Variants in IPPK observed in about 807,000 individuals in gnomAD.
IPPK encodes IPK1 homolog.
IPPK carries 22 observed loss-of-function variants against 64.6 expected under a neutral mutation model. The observed-to-expected ratio is 0.34, with a 90% CI of 0.24 to 0.49. The LOEUF (loss-of-function observed/expected upper bound fraction) is 0.49. Among genes scored for constraint, IPPK ranks in the 20% least tolerant of loss-of-function variants. The pLI is 0.99. For missense variants in IPPK, 532 were observed against 630.7 expected (o/e 0.84, Z 1.68); for synonymous variants, 262 against 247.2 (o/e 1.06, Z -0.56).
intron 11 of IPPK, among the ~76,000 whole-genome samples, chr9:92,626,719 C>T (rs1851740171): frequency 1.3e-5 from 2 of 152,166 alleles, no homozygotes; most frequent in South Asian, 4.1e-4. Context: ...GCATAACATA[C>T]ACCAAACAGG....
intron 1 of IPPK, among the ~76,000 whole-genome samples, chr9:92,667,826 C>T (rs1394810022): frequency 6.6e-6 from 1 of 151,812 alleles, no homozygotes; most frequent in African/African-American, 2.4e-5. Flanking sequence ...TTGCTTGAAC[C>T]CAGGAGGCAG....
intron 1 of IPPK, among the ~76,000 whole-genome samples, chr9:92,661,036 T>G (rs894550184): frequency 6.6e-6 from 1 of 152,228 alleles, no homozygotes; most frequent in African/African-American, 2.4e-5. Flanking sequence ...TTCTTCCTGC[T>G]AGCACTTATT....
At chr9:92,650,279 T>C (rs961503049) in intron 4 of IPPK, among the ~76,000 whole-genome samples, 2 of 152,056 alleles carry the variant, frequency 1.3e-5, no homozygotes, top group African/African-American at 2.4e-5. Context: ...TGAGCCCAGA[T>C]TGTGCGCCAC....
At chr9:92,662,316 G>A (rs1256095536) in intron 1 of IPPK, among the ~76,000 whole-genome samples, 2 of 152,080 alleles carry the variant, frequency 1.3e-5, no homozygotes, top group East Asian at 1.9e-4. Context: ...AGCTGAGGTC[G>A]GGAGTTCGAG....
intron 3 of IPPK, 58 bp from the exon 4 acceptor site, chr9:92,652,697 C>T: frequency 2.3e-6 from 2 of 864,856 alleles, no homozygotes; most frequent in Admixed American, 2.1e-5. Context: ...GAACACAATG[C>T]CACAGAACTG....
chr9:92,626,583 T>C (rs906014338), intron 11 of IPPK, among the ~76,000 whole-genome samples: 7 of 152,076 alleles, frequency 4.6e-5, no homozygotes, highest in Middle Eastern at 3.2e-3. Context: ...GGAGATAAAA[T>C]AAGGTTTGAC....
At chr9:92,656,651 A>T in intron 2 of IPPK, 100 bp from the exon 3 acceptor site, 1 of 754,268 alleles carries the variant, frequency 1.3e-6, no homozygotes. Context: ...CACCACAAGC[A>T]AGGGGGACAT....
At chr9:92,642,459 A>C (rs1157135743) in intron 7 of IPPK, among the ~76,000 whole-genome samples, 1 of 152,288 alleles carries the variant, frequency 6.6e-6, no homozygotes, top group Non-Finnish European at 1.5e-5. Context: ...GATGGAGGTC[A>C]AGGCTGAGCA....
intron 11 of IPPK, among the ~76,000 whole-genome samples, chr9:92,632,484 A>G (rs567008288): frequency 2.0e-5 from 3 of 152,390 alleles, no homozygotes; most frequent in African/African-American, 7.2e-5. Context: ...AAAATTAAAA[A>G]GTAATCCATA....
At position 92,670,021 on chromosome 9, in the gene IPPK, G is replaced by C. The variant is rs774854392; in HGVS notation, c.-33C>G. The stretch of plus-strand genomic sequence containing the variant: ...CGCAGCCCTGGCGCCTCGCGGGCTA[G>C]GACTCGGGGACGCGAGCTGGGGGCC... On this transcript the variant is annotated 5_prime_UTR_variant, in exon 1 of 13. Transcript: ENST00000287996. 2.0e-6 allele frequency: 3 copies of C among 1,524,594 alleles called. No individual in the cohort carries two copies. The highest frequency in any genetic ancestry group is 2.7e-6 in the Non-Finnish European group (3 of 1,118,686). 94.4% of individuals were successfully genotyped at this position (1,524,594 alleles called of 1,614,324 possible). A position where few individuals can be genotyped will look rare whatever the true frequency, so the allele number is the denominator to read the frequency against.
At chr9:92,652,376 G>T (rs1852283951) in intron 4 of IPPK, among the ~76,000 whole-genome samples, 197 bp downstream of exon 4, 1 of 150,858 alleles carries the variant, frequency 6.6e-6, no homozygotes, top group South Asian at 2.1e-4. Context: ...GTGAACCCGG[G>T]AGGTGGAGCT....
chr9:92,652,485 A>G (rs550650011), intron 4 of IPPK, 88 bp downstream of exon 4: 23 of 651,582 alleles, frequency 3.5e-5, no homozygotes, highest in African/African-American at 3.1e-4. Context: ...TGAAAAATGC[A>G]TATACCTAAC....
Position 92,638,126 on chromosome 9 carries a change from A to G in IPPK, c.791T>C (p.Val264Ala). Residue 264 changes from valine to alanine, a missense_variant, in exon 9 of 13, where the codon GTG (valine) becomes GCG (alanine). By Grantham distance (64) the Val-to-Ala change is moderately conservative. Transcript: ENST00000287996. ...TRAVIRELVH[V>A]ITRVLLSGSD... ...GCCACTCAGCAGCACCCGTGTGATC[A>G]CGTGCACCAGCTCCCTGATCACAGC... The G allele has an allele frequency of 6.2e-7, 1 of 1,614,136 alleles. No homozygotes were observed. The highest frequency in any genetic ancestry group is 1.1e-5 in the South Asian group (1 of 91,086).
intron 1 of IPPK, among the ~76,000 whole-genome samples, chr9:92,666,335 A>C (rs1852595202): frequency 6.6e-6 from 1 of 152,194 alleles, no homozygotes; most frequent in African/African-American, 2.4e-5. Context: ...ACACTGAGCC[A>C]AAACCAACAA....
chr9:92,660,187 G>A (rs1485326955), intron 1 of IPPK, among the ~76,000 whole-genome samples: 1 of 152,202 alleles, frequency 6.6e-6, no homozygotes, highest in East Asian at 1.9e-4. Context: ...TGCTATTCGA[G>A]TGTGCCTGAC....
At chr9:92,658,821 C>A (rs773514973) in intron 1 of IPPK, 140 bp from the exon 2 acceptor site, 5 of 719,704 alleles carry the variant, frequency 6.9e-6, no homozygotes, top group Non-Finnish European at 1.2e-5. Context: ...GCCCCCAGGG[C>A]AGGGAGGCCA....
At chr9:92,642,858 T>C (rs772914693) in intron 6 of IPPK, 48 bp from the exon 7 acceptor site, 30 of 1,411,328 alleles carry the variant, frequency 2.1e-5, no homozygotes, top group Admixed American at 1.2e-4. Flanking sequence ...CGCTGGTGAC[T>C]GCACTGTGCC....
intron 1 of IPPK, among the ~76,000 whole-genome samples, chr9:92,659,860 TC>T (rs1421492400): frequency 6.6e-6 from 1 of 152,078 alleles, no homozygotes; most frequent in African/African-American, 2.4e-5. Context: ...CTGACTGAGC[TC>T]CAGTTCCCAG....
chr9:92,634,738 A>G (rs1431650921), intron 10 of IPPK, among the ~76,000 whole-genome samples: 1 of 152,198 alleles, frequency 6.6e-6, no homozygotes, highest in Non-Finnish European at 1.5e-5. Flanking sequence ...TCAGAGATGC[A>G]AGGAAGACCA....
Sources: allele counts gnomAD v4.1 joint callset (sites outside exome capture counted in the v4.1 genomes callset), GRCh38; gene constraint gnomAD v4.1.1; transcripts MANE v1.5; gene names NCBI Gene and HGNC (gene_info 2026-07-23, HGNC 2026-07-21).